The following CNKSR3 variants were observed in gnomAD, a reference collection of about 807,000 sequenced individuals.
The protein encoded by CNKSR3 is CNKSR family member 3, also known as connector enhancer of kinase suppressor of ras 3.
A neutral mutation model predicts 67.7 loss-of-function variants in CNKSR3; 36 were observed. The observed-to-expected ratio is 0.53, with a 90% CI of 0.41 to 0.70. CNKSR3 has a LOEUF of 0.70. Among genes scored for constraint, CNKSR3 ranks in the 30% least tolerant of loss-of-function variants. The pLI, the probability that CNKSR3 is intolerant of heterozygous loss-of-function variation, is 0.00. For missense variants in CNKSR3, 630 were observed against 695.2 expected (o/e 0.91, Z 1.05); for synonymous variants, 281 against 271.4 (o/e 1.04, Z -0.35).
chr6:154,451,521 T>C (rs1404048941), intron 1 of CNKSR3, among the ~76,000 whole-genome samples: 1 of 105,898 alleles, frequency 9.4e-6, no homozygotes, highest in Admixed American at 1.3e-4. Flanking sequence ...ACGCGCACAC[T>C]CGTGCACACA....
chr6:154,410,315 T>A, intron 12 of CNKSR3, 28 bp downstream of exon 12: 1 of 1,563,080 alleles, frequency 6.4e-7, no homozygotes, highest in Middle Eastern at 1.7e-4. Flanking sequence ...CCATTTGCTG[T>A]TCCTTGGTTT....
intron 1 of CNKSR3, among the ~76,000 whole-genome samples, chr6:154,508,988 G>C (rs969812866): frequency 2.0e-5 from 3 of 152,196 alleles, no homozygotes; most frequent in African/African-American, 7.2e-5. Flanking sequence ...GGCTTACTGT[G>C]ATGACCAAGG....
At chr6:154,484,759 C>A (rs9479878) in intron 1 of CNKSR3, among the ~76,000 whole-genome samples, 2,958 of 151,226 alleles carry the variant, frequency 0.02, 108 homozygotes, top group African/African-American at 0.068. Flanking sequence ...TATGATTATC[C>A]CCTTCCCCCT....
intron 9 of CNKSR3, among the ~76,000 whole-genome samples, chr6:154,418,754 C>G (rs934359190): frequency 2.0e-5 from 3 of 152,132 alleles, no homozygotes; most frequent in African/African-American, 7.2e-5. Context: ...CAGTTATGGG[C>G]AATGATCTTT....
chr6:154,450,318 A>C, intron 1 of CNKSR3, 60 bp from the exon 2 acceptor site: 1 of 1,519,984 alleles, frequency 6.6e-7, no homozygotes, highest in Admixed American at 1.7e-5. Context: ...CACCCCCTGC[A>C]AACTGCCCAC....
rs1252501978 is a variant in CNKSR3, at chr6:154,400,306, G to A, written c.*6048C>T. The A allele has an allele frequency of 4.6e-5, 7 of 152,202 alleles. No individual in the cohort carries two copies. The highest frequency in any genetic ancestry group is 2.1e-4 in the South Asian group (1 of 4,830). The allele number at this position is 152,202 out of a possible 1,614,324, so 9.4% of individuals were successfully genotyped here. ...CGACTTTCCTTAGGTGTAGCCTCAC[G>A]TTTTAATCCCTGAGGTATGTTGTAA... On this transcript the variant is annotated 3_prime_UTR_variant, in exon 13 of 13. Transcript: ENST00000607772.
At position 154,470,187 on chromosome 6, in the gene CNKSR3, C is replaced by T. The variant is rs6911144; in HGVS notation, c.53-19929G>A. On this transcript the variant is annotated intron_variant, in intron 1 of 12. Coordinates refer to ENST00000607772, the MANE Select transcript of CNKSR3 (RefSeq NM_173515.4). ...CTGTAATAAAGAACCTACTTTCTTTCCTTTTTTTTTTTTTTTTTTTTTTTT... is the reference window on the plus strand; with the variant it reads ...CTGTAATAAAGAACCTACTTTCTTTTCTTTTTTTTTTTTTTTTTTTTTTTT... Among the ~76,000 whole-genome samples, 9 of 80,874 alleles carry T rather than the reference C, an allele frequency of 1.1e-4. 2 individuals are homozygous for T. Among genetic ancestry groups the T allele is most frequent in the African/African-American group, 3.3e-4 (6 of 18,170 alleles). The allele number at this position is 80,874 out of a possible 152,430, so 53.1% of individuals were successfully genotyped here. A position where few individuals can be genotyped will look rare whatever the true frequency, so the allele number is the denominator to read the frequency against.
At chr6:154,504,238 C>T (rs558680185) in intron 1 of CNKSR3, among the ~76,000 whole-genome samples, 6 of 152,320 alleles carry the variant, frequency 3.9e-5, no homozygotes, top group East Asian at 1.9e-4. Flanking sequence ...TTTATCACTC[C>T]GCTAATCAAG....
chr6:154,501,353 C>T (rs1008349293), intron 1 of CNKSR3, among the ~76,000 whole-genome samples: 17 of 152,156 alleles, frequency 1.1e-4, no homozygotes, highest in Non-Finnish European at 1.5e-4. Flanking sequence ...TACTGTCACT[C>T]TCTGCTTTCC....
chr6:154,410,259 A>G, intron 12 of CNKSR3, 84 bp downstream of exon 12: 1 of 900,976 alleles, frequency 1.1e-6, no homozygotes. Context: ...TTATTATAAC[A>G]CATTTAGAAA....
chr6:154,498,202 A>G (rs1786914885), intron 1 of CNKSR3, among the ~76,000 whole-genome samples: 2 of 152,228 alleles, frequency 1.3e-5, no homozygotes, highest in African/African-American at 2.4e-5. Flanking sequence ...ATACATTAAA[A>G]AAGTTTACTG....
intron 1 of CNKSR3, among the ~76,000 whole-genome samples, chr6:154,450,732 T>A (rs544268988): frequency 6.6e-6 from 1 of 152,288 alleles, no homozygotes; most frequent in African/African-American, 2.4e-5. Flanking sequence ...GGGATGGACA[T>A]GTGACTCAAG....
At chr6:154,500,312 T>C (rs1786972101) in intron 1 of CNKSR3, among the ~76,000 whole-genome samples, 1 of 151,052 alleles carries the variant, frequency 6.6e-6, no homozygotes, top group South Asian at 2.1e-4. Flanking sequence ...CCCAAAGCAC[T>C]GAATTTCCCC....
chr6:154,412,367 C>T (rs574619262), intron 10 of CNKSR3, among the ~76,000 whole-genome samples: 131 of 152,284 alleles, frequency 8.6e-4, no homozygotes, highest in African/African-American at 3.0e-3. Flanking sequence ...TCTTCCCGAG[C>T]AGTTTAATCC....
intron 1 of CNKSR3, among the ~76,000 whole-genome samples, chr6:154,458,428 ATT>A (rs1786004203): frequency 6.6e-6 from 1 of 151,948 alleles, no homozygotes; most frequent in South Asian, 2.1e-4. Context: ...CCACTTTATT[ATT>A]TTCTTTTTGT....
At chr6:154,484,006 G>T (rs1177020682) in intron 1 of CNKSR3, among the ~76,000 whole-genome samples, 1 of 152,122 alleles carries the variant, frequency 6.6e-6, no homozygotes, top group Non-Finnish European at 1.5e-5. Context: ...TATGGGATCT[G>T]GGGAAAGGGG....
chr6:154,499,529 C>T (rs758815481), intron 1 of CNKSR3, among the ~76,000 whole-genome samples: 3 of 152,164 alleles, frequency 2.0e-5, no homozygotes, highest in Non-Finnish European at 4.4e-5. Context: ...GATGTTGAGA[C>T]GCCCCGCATG....
At chr6:154,464,100 G>T (rs1223697593) in intron 1 of CNKSR3, among the ~76,000 whole-genome samples, 3 of 152,210 alleles carry the variant, frequency 2.0e-5, no homozygotes, top group Non-Finnish European at 4.4e-5. Flanking sequence ...ATTAAGAGAA[G>T]AACTGTAAAG....
chr6:154,494,748 C>T (rs975571089), intron 1 of CNKSR3, among the ~76,000 whole-genome samples: 7 of 152,104 alleles, frequency 4.6e-5, no homozygotes, highest in South Asian at 2.1e-4. Flanking sequence ...CCTACACACC[C>T]CCGTTCCTCC....
Sources: gnomAD v4.1 joint callset for allele counts (sites outside exome capture counted in the v4.1 genomes callset) on GRCh38, gnomAD v4.1.1 for gene constraint, MANE v1.5 for transcripts, NCBI Gene and HGNC (gene_info 2026-07-23, HGNC 2026-07-21) for gene names.